TCERG1L: variants seen among roughly 807,000 people sequenced by gnomAD.
The protein encoded by TCERG1L is transcription elongation regulator 1-like protein.
Under a neutral mutation model 56.3 loss-of-function variants are expected in TCERG1L, and 37 were observed. That is an observed-to-expected ratio of 0.66 (90% CI 0.51 to 0.87). The LOEUF (loss-of-function observed/expected upper bound fraction) is 0.87, where lower values mean the gene tolerates loss of function less well. TCERG1L is among the 40% of genes least tolerant of loss of function. The probability of loss-of-function intolerance (pLI) is 0.00; values close to 1 mark genes in which losing one functional copy is unlikely to be tolerated. For synonymous variants in TCERG1L, 324 were observed against 326.3 expected (o/e 0.99, Z 0.08); for missense variants, 799 against 774.2 (o/e 1.03, Z -0.38).
At chr10:131,172,726 T>C (rs183344716) in intron 4 of TCERG1L, among the ~76,000 whole-genome samples, 207 of 152,246 alleles carry the variant, frequency 1.4e-3, no homozygotes, top group South Asian at 5.2e-3. Flanking sequence ...GTGCCAGCCA[T>C]GATGGTGGTA....
In TCERG1L at chr10:131,311,472, C is replaced by T. The variant is rs1307042256; in HGVS notation, c.164G>A (p.Gly55Glu). 8.4e-7 allele frequency: 1 copy of T among 1,188,720 alleles called. No individual in the cohort carries two copies. Among genetic ancestry groups the T allele is most frequent in the Non-Finnish European group, 1.0e-6 (1 of 961,582 alleles). 73.6% of individuals were successfully genotyped at this position (1,188,720 alleles called of 1,614,324 possible). ...GSAGLLRLSAGVVVPPVLLAS... is the reference protein window; with the variant it reads ...GSAGLLRLSAEVVVPPVLLAS... ...GAGCAGCACCGGGGGAACCACGACC[C>T]CCGCGCTGAGCCGGAGCAGCCCGGC... The change falls in exon 1 of 12, where the codon GGG becomes GAG. Residue 55 changes from glycine (G) to glutamate (E), a missense_variant. Coordinates refer to ENST00000368642, the MANE Select transcript of TCERG1L (RefSeq NM_174937.4). This position sits in a 1 kb window ranked among gnomAD's most constrained non-coding sequence, Gnocchi z 4.0.
chr10:131,238,532 G>A (rs887670641), intron 4 of TCERG1L, among the ~76,000 whole-genome samples: 1 of 152,124 alleles, frequency 6.6e-6, no homozygotes, highest in Non-Finnish European at 1.5e-5. Context: ...AGTAAGCAAC[G>A]GGCAAAACCT....
intron 9 of TCERG1L, among the ~76,000 whole-genome samples, chr10:131,106,604 A>T (rs1375101799): frequency 3.3e-5 from 5 of 152,110 alleles, no homozygotes; most frequent in Non-Finnish European, 7.4e-5. Flanking sequence ...GCAGTCTGAG[A>T]TGTGGTTAGG....
At position 131,174,989 on chromosome 10, in the gene TCERG1L, C is replaced by A. The variant is rs188155228; in HGVS notation, c.857-8104G>T. Among the ~76,000 whole-genome samples the A allele has an allele frequency of 1.6e-4, 15 of 95,660 alleles. 1 individual carries two copies. In the East Asian group the frequency reaches 2.5e-3, roughly 16 times the overall value. The allele number at this position is 95,660 out of a possible 152,430, so 62.8% of individuals were successfully genotyped here. On this transcript the variant is annotated intron_variant, in intron 4 of 11. Coordinates refer to ENST00000368642, the MANE Select transcript of TCERG1L (RefSeq NM_174937.4). ...ATGGGACCCCACCCCCGCAATTGGTCTCTGTCCTCCATCCCCAGCCAGAGT... is the reference window on the plus strand; with the variant it reads ...ATGGGACCCCACCCCCGCAATTGGTATCTGTCCTCCATCCCCAGCCAGAGT...
chr10:131,201,761 C>T (rs1845438367), intron 4 of TCERG1L, among the ~76,000 whole-genome samples: 1 of 152,188 alleles, frequency 6.6e-6, no homozygotes, highest in Non-Finnish European at 1.5e-5. Flanking sequence ...ATGCGTCCTT[C>T]TCTGCGGGAC....
At chr10:131,155,381 T>C (rs1340005407) in intron 6 of TCERG1L, among the ~76,000 whole-genome samples, 1 of 152,214 alleles carries the variant, frequency 6.6e-6, no homozygotes, top group Non-Finnish European at 1.5e-5. Flanking sequence ...CTCGGGGCCC[T>C]GCCAGCTCTG....
At chr10:131,252,704 T>C (rs1433615068) in intron 4 of TCERG1L, among the ~76,000 whole-genome samples, 1 of 152,172 alleles carries the variant, frequency 6.6e-6, no homozygotes, top group Non-Finnish European at 1.5e-5. Context: ...CCACCCACCA[T>C]GGATACTATT....
At chr10:131,180,100 G>C (rs911934051) in intron 4 of TCERG1L, among the ~76,000 whole-genome samples, 17 of 152,332 alleles carry the variant, frequency 1.1e-4, no homozygotes, top group Non-Finnish European at 1.8e-4. Flanking sequence ...TGCTCGACAA[G>C]GGACTCCAGC....
In TCERG1L at chr10:131,179,223, GC is replaced by G. The variant is rs910320185; in HGVS notation, c.857-12339del. ...CGGCTGAGGCAGAGCAGCGGGGGCAGCCCCCACGCAGCCACGTGGGCAGCAC... is the reference window on the plus strand; with the variant it reads ...CGGCTGAGGCAGAGCAGCGGGGGCAGCCCCACGCAGCCACGTGGGCAGCAC... On this transcript the variant is annotated intron_variant, in intron 4 of 11. Coordinates refer to ENST00000368642, the MANE Select transcript of TCERG1L (RefSeq NM_174937.4). Among the ~76,000 whole-genome samples, 3 of 152,356 alleles carry G rather than the reference GC, an allele frequency of 2.0e-5. No individual in the cohort carries two copies. In the East Asian group the frequency reaches 5.8e-4, roughly 29 times the overall value.
Position 131,166,830 on chromosome 10 carries a change from G to C in TCERG1L, c.912C>G (p.Ala304=). Residue 304 remains alanine, a synonymous_variant, in exon 5 of 12, where the codon GCC becomes GCG. Transcript: ENST00000368642. ...VARPPALMLR[A]QKSRDGDKED... is the part of the protein sequence containing the mutation. Reference sequence around the variant, plus strand: ...CTTTGTCTCCATCCCGGCTCTTCTGGGCCCGCAGCATCAGGGCAGGAGGGC... The same window carrying C: ...CTTTGTCTCCATCCCGGCTCTTCTGCGCCCGCAGCATCAGGGCAGGAGGGC... 1 of 1,613,796 alleles carries C rather than the reference G, an allele frequency of 6.2e-7. No individual in the cohort carries two copies. The highest frequency in any genetic ancestry group is 8.5e-7 in the Non-Finnish European group (1 of 1,179,888).
chr10:131,196,314 C>T (rs537950022), intron 4 of TCERG1L, among the ~76,000 whole-genome samples: 2 of 152,252 alleles, frequency 1.3e-5, no homozygotes, highest in East Asian at 1.9e-4. Context: ...CTGCTTGAAC[C>T]GGAGACACAG....
chr10:131,126,871 G>C (rs1379704014), intron 8 of TCERG1L, among the ~76,000 whole-genome samples: 1 of 152,222 alleles, frequency 6.6e-6, no homozygotes, highest in Non-Finnish European at 1.5e-5. Context: ...TGGTCTCAGA[G>C]CTCTCAAAAC....
chr10:131,176,581 C>T (rs867091471), intron 4 of TCERG1L, among the ~76,000 whole-genome samples: 1 of 151,618 alleles, frequency 6.6e-6, no homozygotes, highest in African/African-American at 2.4e-5. Context: ...CGTGCACACA[C>T]ACCAAAACAC....
At chr10:131,168,114 G>A (rs961715622) in intron 4 of TCERG1L, among the ~76,000 whole-genome samples, 3 of 152,182 alleles carry the variant, frequency 2.0e-5, no homozygotes, top group Middle Eastern at 3.2e-3. Context: ...CCTGGTAGAC[G>A]GAAGGATGGG....
intron 8 of TCERG1L, among the ~76,000 whole-genome samples, chr10:131,121,643 G>T (rs1003716456): frequency 6.6e-6 from 1 of 152,212 alleles, no homozygotes; most frequent in African/African-American, 2.4e-5. Context: ...CCCTGCAGAC[G>T]GACGGCTCCA....
intron 6 of TCERG1L, 128 bp from the exon 7 acceptor site, chr10:131,146,788 A>T: frequency 9.6e-7 from 1 of 1,038,962 alleles, no homozygotes; most frequent in Non-Finnish European, 1.4e-6. Context: ...TTGTTTATGG[A>T]TAGTATGAAT....
At chr10:131,116,293 C>A (rs1589778748) in intron 9 of TCERG1L, among the ~76,000 whole-genome samples, 1 of 152,300 alleles carries the variant, frequency 6.6e-6, no homozygotes, top group East Asian at 1.9e-4. Flanking sequence ...GGGAGTACCA[C>A]TAGGTAGGAT....
At chr10:131,112,824 G>A (rs1845424246) in intron 9 of TCERG1L, among the ~76,000 whole-genome samples, 1 of 142,568 alleles carries the variant, frequency 7.0e-6, no homozygotes, top group Non-Finnish European at 1.6e-5. Flanking sequence ...TGAGGAAGGT[G>A]CCCAAATTTG....
intron 3 of TCERG1L, among the ~76,000 whole-genome samples, chr10:131,292,069 T>A (rs748484528): frequency 6.6e-6 from 1 of 152,218 alleles, no homozygotes; most frequent in Non-Finnish European, 1.5e-5. Flanking sequence ...TGTAAAAGTA[T>A]ATAACCAAGT....
Sources: allele counts gnomAD v4.1 joint callset (sites outside exome capture counted in the v4.1 genomes callset), GRCh38; gene constraint gnomAD v4.1.1; non-coding constraint Gnocchi (gnomAD v3.1); transcripts MANE v1.5; gene names NCBI Gene and HGNC (gene_info 2026-07-23, HGNC 2026-07-21).